The following GRK1 variants were observed in gnomAD, a reference collection of about 807,000 sequenced individuals.
GRK1 encodes G protein-coupled receptor kinase 1.
GRK1 carries 28 observed loss-of-function variants against 41.7 expected under a neutral mutation model. The ratio of observed to expected loss-of-function variants is 0.67; its 90% CI spans 0.50 to 0.92. The LOEUF is 0.92. Ranked by LOEUF, GRK1 falls within the 40% of genes least tolerant of loss-of-function variation. The pLI is 0.00. For missense variants in GRK1, 703 were observed against 671.2 expected (o/e 1.05, Z -0.52); for synonymous variants, 327 against 286.7 (o/e 1.14, Z -1.42).
Position 113,728,783 on chromosome 13 carries a change from G to A in GRK1, c.1070-2436G>A, listed in dbSNP as rs551017790. Among the ~76,000 whole-genome samples, 95 of 152,302 alleles carry A rather than the reference G, an allele frequency of 6.2e-4. 2 individuals carry two copies. The Middle Eastern group carries it at 0.014, about 22-fold the overall frequency. ...AGCCTCAGTGTGTGGCTGTGGCCTCGAACCTCATCCCTATGAAGAAGGAGG... is the reference window on the plus strand; with the variant it reads ...AGCCTCAGTGTGTGGCTGTGGCCTCAAACCTCATCCCTATGAAGAAGGAGG... On this transcript the variant is annotated intron_variant, in intron 4 of 6. Transcript: ENST00000335678.
At position 113,735,707 on chromosome 13, in the gene GRK1, G is replaced by A. The variant is rs1049370936; in HGVS notation, c.*344G>A. The A allele has an allele frequency of 4.9e-6, 1 of 205,340 alleles. No individual in the cohort carries two copies. The highest frequency in any genetic ancestry group is 5.9e-5 in the Admixed American group (1 of 17,042). The allele number at this position is 205,340 out of a possible 1,614,324, so 12.7% of individuals were successfully genotyped here. ...GTGATTGACCAACCGTGTGGTCAGG[G>A]GCAGAGACTCGGTTTTGGCCTCCCA... is the stretch of plus-strand genomic sequence containing the variant. On this transcript the variant is annotated 3_prime_UTR_variant, in exon 7 of 7. Coordinates refer to ENST00000335678, the MANE Select transcript of GRK1 (RefSeq NM_002929.3).
At position 113,731,986 on chromosome 13, in the gene GRK1, G is replaced by A. The variant is rs569700851; in HGVS notation, c.1194+643G>A. Among the ~76,000 whole-genome samples, 1 of 152,310 alleles carries A rather than the reference G, an allele frequency of 6.6e-6. No homozygotes were observed. The highest frequency in any genetic ancestry group is 2.4e-5 in the African/African-American group (1 of 41,580). On this transcript the variant is annotated intron_variant, in intron 5 of 6. Transcript: ENST00000335678. This position sits in a 1 kb window ranked among gnomAD's most constrained non-coding sequence, Gnocchi z 5.6. ...CTGGGTCTCCCCTGAGTGCCCCCTG[G>A]GCTGCCCCGGATCCTAGGCCACCAG...
chr13:113,666,217 C>CCAACTGTCCCAGGTCT, upstream of GRK1, among the ~76,000 whole-genome samples: 1 of 148,552 alleles, frequency 6.7e-6, no homozygotes, highest in Admixed American at 6.7e-5. Flanking sequence ...CCCCGCTGTC[C>CCAACTGTCCCAGGTCT]CAGGTGTGTC....
chr13:113,650,586 T>C, the GRK1 span: 4 of 1,120,178 alleles, frequency 3.6e-6, no homozygotes, highest in African/African-American at 6.2e-5. The surrounding 1 kb of genome is among the most constrained non-coding windows in gnomAD (Gnocchi z 5.0). Flanking sequence ...TGTGTGCGTG[T>C]GTGCACACAC....
intron 4 of GRK1, among the ~76,000 whole-genome samples, chr13:113,729,866 C>T (rs150572662): frequency 0.014 from 2,138 of 149,486 alleles, 29 homozygotes; most frequent in Admixed American, 0.025. Flanking sequence ...CCCATGGATG[C>T]GCCCAGACCC....
the GRK1 span, among the ~76,000 whole-genome samples, chr13:113,657,017 T>C: frequency 6.6e-6 from 1 of 152,226 alleles, no homozygotes; most frequent in Non-Finnish European, 1.5e-5. Context: ...CTACTTCAAA[T>C]GCGCCCATGA....
At chr13:113,658,894 T>G in the GRK1 span, among the ~76,000 whole-genome samples, 1 of 152,166 alleles carries the variant, frequency 6.6e-6, no homozygotes, top group Non-Finnish European at 1.5e-5. Context: ...GCCCTGAGCA[T>G]CTGTTGAATG....
chr13:113,734,001 T>G (rs925363092), intron 6 of GRK1, among the ~76,000 whole-genome samples: 8 of 136,296 alleles, frequency 5.9e-5, no homozygotes, highest in Non-Finnish European at 9.0e-5. Flanking sequence ...TACATGTGTG[T>G]GCGTGTGCGT....
In GRK1 at chr13:113,735,136, G is replaced by A; in HGVS notation, c.1465G>A (p.Ala489Thr). The A allele has an allele frequency of 2.6e-6, 4 of 1,537,112 alleles. No homozygotes were observed. The highest frequency in any genetic ancestry group is 2.6e-6 in the Non-Finnish European group (3 of 1,146,830). ...CGCAAAGGATATTCAGGACGTGGGT[G>A]CCTTTTCCACCGTCAAAGGTGTGGC... is the stretch of plus-strand genomic sequence containing the variant. ...VYAKDIQDVG[A>T]FSTVKGVAFD... is the part of the protein sequence containing the mutation. The change falls in exon 7 of 7, where the codon GCC (alanine) becomes ACC (threonine). Residue 489 changes from alanine (A) to threonine (T), a missense_variant. Coordinates refer to ENST00000335678, the MANE Select transcript of GRK1 (RefSeq NM_002929.3).
the GRK1 span, among the ~76,000 whole-genome samples, chr13:113,657,608 C>T: frequency 3.3e-5 from 5 of 152,236 alleles, no homozygotes; most frequent in South Asian, 2.1e-4. Context: ...GCGGGTGTCC[C>T]GGAAAGGGGC....
chr13:113,663,818 G>A (rs1426674289), upstream of GRK1, among the ~76,000 whole-genome samples: 1 of 152,216 alleles, frequency 6.6e-6, no homozygotes, highest in African/African-American at 2.4e-5. Context: ...AGGATCCTGA[G>A]GAAGAATCTG....
chr13:113,654,815 T>C, the GRK1 span: 1 of 1,613,692 alleles, frequency 6.2e-7, no homozygotes, highest in African/African-American at 1.3e-5. Flanking sequence ...GGCGCTTACC[T>C]GGTGACCGTA....
chr13:113,656,670 C>T, the GRK1 span, among the ~76,000 whole-genome samples: 12 of 152,320 alleles, frequency 7.9e-5, no homozygotes, highest in African/African-American at 1.7e-4. Flanking sequence ...GTAAGAATAA[C>T]GTGTCCTATT....
In GRK1 at chr13:113,737,460, C is replaced by T. The variant is rs1449599508; in HGVS notation, c.*2097C>T. 2 of 141,178 alleles carry T rather than the reference C, an allele frequency of 1.4e-5. No homozygotes were observed. The highest frequency in any genetic ancestry group is 4.1e-3 in the Middle Eastern group (1 of 244). The allele number at this position is 141,178 out of a possible 1,614,324, so 8.7% of individuals were successfully genotyped here. A position where few individuals can be genotyped will look rare whatever the true frequency, so the allele number is the denominator to read the frequency against. On this transcript the variant is annotated 3_prime_UTR_variant, in exon 7 of 7. Coordinates refer to ENST00000335678, the MANE Select transcript of GRK1 (RefSeq NM_002929.3). ...ACACCCTGGGTGAGGAGCATGTCTT[C>T]CCATAGATCCCACGTCGGCCACACC...
the GRK1 span, among the ~76,000 whole-genome samples, chr13:113,661,980 A>G: frequency 6.6e-6 from 1 of 152,370 alleles, no homozygotes; most frequent in East Asian, 1.9e-4. Flanking sequence ...TTATAAGACC[A>G]GTGTTACCTT....
Position 113,667,590 on chromosome 13 carries a change from C to T in GRK1, c.204C>T (p.Gly68=). 2 of 1,613,614 alleles carry T rather than the reference C, an allele frequency of 1.2e-6. No individual in the cohort carries two copies. Among genetic ancestry groups the T allele is most frequent in the Non-Finnish European group, 8.5e-7 (1 of 1,179,898 alleles). The change falls in exon 1 of 7, where the codon GGC becomes GGT. Residue 68 remains glycine (G), a synonymous_variant. Transcript: ENST00000335678. This position sits in a 1 kb window ranked among gnomAD's most constrained non-coding sequence, Gnocchi z 7.5. ...GTGTGTGCTTGGAGCAGCCCATCGG[C>T]AAGAAGCTCTTTCAGCAGTTCCTAC... The part of the protein sequence containing the change: ...FESVCLEQPI[G]KKLFQQFLQS...
At chr13:113,650,678 C>G in the GRK1 span, among the ~76,000 whole-genome samples, 7 of 152,172 alleles carry the variant, frequency 4.6e-5, no homozygotes, top group Non-Finnish European at 8.8e-5. This position sits in a 1 kb window ranked among gnomAD's most constrained non-coding sequence, Gnocchi z 5.0. Context: ...GTGCTGAGAT[C>G]TCAGCAAGGA....
At position 113,732,938 on chromosome 13, in the gene GRK1, G is replaced by C. The variant is rs367690330; in HGVS notation, c.1249G>C (p.Asp417His). ...RIISEPVKYP[D>H]KFSQASKDFC... ...CATCTCAGAGCCCGTGAAGTACCCT[G>C]ATAAGTTCAGCCAGGCCAGCAAGGA... Residue 417 changes from aspartate (D) to histidine (H), a missense_variant, in exon 6 of 7, where the codon GAT becomes CAT. Transcript: ENST00000335678. 7 of 1,536,912 alleles carry C rather than the reference G, an allele frequency of 4.6e-6. No individual in the cohort carries two copies. Among genetic ancestry groups the C allele is most frequent in the Non-Finnish European group, 5.2e-6 (6 of 1,146,826 alleles).
At chr13:113,648,753 A>G in the GRK1 span, 3 of 152,198 alleles carry the variant, frequency 2.0e-5, no homozygotes, top group African/African-American at 7.2e-5. Context: ...CCCCACACCA[A>G]CGTGGTTTTT....
Sources: gnomAD v4.1 joint callset for allele counts (sites outside exome capture counted in the v4.1 genomes callset) on GRCh38, gnomAD v4.1.1 for gene constraint, Gnocchi (gnomAD v3.1) non-coding constraint, MANE v1.5 for transcripts, NCBI Gene and HGNC (gene_info 2026-07-23, HGNC 2026-07-21) for gene names.